CD2AP: variants seen among roughly 807,000 people sequenced by gnomAD.
The protein encoded by CD2AP is CD2 associated protein, also known as CD2-associated protein.
In CD2AP, 46 loss-of-function variants were observed where a neutral mutation model predicts 85.1. The observed-to-expected ratio is 0.54, with a 90% confidence interval of 0.43 to 0.69. CD2AP has a LOEUF of 0.69. CD2AP is among the 30% of genes least tolerant of loss of function. The pLI is 0.00. For synonymous variants in CD2AP, 255 were observed against 252.9 expected, an observed-to-expected ratio of 1.01 and a Z score of -0.08; for missense variants, 769 against 729.5, an observed-to-expected ratio of 1.05 and a Z score of -0.62.
At chr6:47,572,364 C>T (rs1261651418) in intron 5 of CD2AP, among the ~76,000 whole-genome samples, 1 of 152,184 alleles carries the variant, frequency 6.6e-6, no homozygotes, top group Admixed American at 6.5e-5. Flanking sequence ...TACTGAAATG[C>T]ATATTTAAAA....
intron 11 of CD2AP, among the ~76,000 whole-genome samples, chr6:47,587,123 C>T (rs1056611232): frequency 6.6e-6 from 1 of 152,098 alleles, no homozygotes; most frequent in Non-Finnish European, 1.5e-5. Context: ...CAAAGTTCTA[C>T]CCTTGTTCCC....
At chr6:47,490,113 C>G (rs181020178) in intron 1 of CD2AP, among the ~76,000 whole-genome samples, 1 of 151,972 alleles carries the variant, frequency 6.6e-6, no homozygotes, top group African/African-American at 2.4e-5. Context: ...GTAGCTGGGA[C>G]TAAGGCATGT....
chr6:47,549,726 G>T (rs191670434), intron 4 of CD2AP, among the ~76,000 whole-genome samples: 66 of 151,996 alleles, frequency 4.3e-4, no homozygotes, highest in Admixed American at 1.6e-3. Flanking sequence ...AATTCATATG[G>T]AACCAAAAAG....
intron 17 of CD2AP, among the ~76,000 whole-genome samples, chr6:47,613,374 C>G (rs1251708814): frequency 6.6e-6 from 1 of 152,108 alleles, no homozygotes; most frequent in African/African-American, 2.4e-5. Flanking sequence ...TAAATGTCTC[C>G]TTGATTCATG....
chr6:47,579,664 G>T (rs770534966), intron 9 of CD2AP, 175 bp downstream of exon 9: 15 of 579,520 alleles, frequency 2.6e-5, no homozygotes, highest in Non-Finnish European at 4.3e-5. Flanking sequence ...TTTCAGTTCC[G>T]TACTTTATTC....
At chr6:47,513,632 A>G (rs183301410) in intron 2 of CD2AP, among the ~76,000 whole-genome samples, 33 of 152,136 alleles carry the variant, frequency 2.2e-4, no homozygotes, top group Middle Eastern at 3.4e-3. Flanking sequence ...TAATCTCTGC[A>G]TAGTATTCCA....
At chr6:47,585,454 G>A (rs1195167083) in intron 11 of CD2AP, among the ~76,000 whole-genome samples, 1 of 152,142 alleles carries the variant, frequency 6.6e-6, no homozygotes, top group Non-Finnish European at 1.5e-5. Flanking sequence ...TCACATATCG[G>A]ACATCAGACA....
chr6:47,515,471 A>T (rs1766429867), intron 2 of CD2AP, among the ~76,000 whole-genome samples: 1 of 152,138 alleles, frequency 6.6e-6, no homozygotes, highest in African/African-American at 2.4e-5. Context: ...ATCTCACTTT[A>T]TTCTCATGTC....
At chr6:47,521,591 T>C (rs528070631) in intron 2 of CD2AP, among the ~76,000 whole-genome samples, 1 of 152,338 alleles carries the variant, frequency 6.6e-6, no homozygotes, top group South Asian at 2.1e-4. Context: ...TTTAAGCTGT[T>C]GTTATTAAGC....
chr6:47,538,537 C>A (rs570338998), intron 3 of CD2AP, among the ~76,000 whole-genome samples: 1 of 152,132 alleles, frequency 6.6e-6, no homozygotes. Flanking sequence ...TAAGCCACTG[C>A]GCCTGGTGGA....
chr6:47,626,695 C>T lies in CD2AP; in HGVS notation c.*2468C>T, dbSNP rs746098698. ...AACAGGCCTTGTGTAACAGAAGATACTCTTTTTTATGCTCCTTACTGTGAT... is the reference window on the plus strand; with the variant it reads ...AACAGGCCTTGTGTAACAGAAGATATTCTTTTTTATGCTCCTTACTGTGAT... On this transcript the variant is annotated 3_prime_UTR_variant, in exon 18 of 18. Coordinates refer to ENST00000359314, the MANE Select transcript of CD2AP (RefSeq NM_012120.3). 2 of 152,408 alleles carry T rather than the reference C, an allele frequency of 1.3e-5. No individual in the cohort carries two copies. Among genetic ancestry groups the T allele is most frequent in the Non-Finnish European group, 2.9e-5 (2 of 67,872 alleles). 9.4% of individuals were successfully genotyped at this position (152,408 alleles called of 1,614,324 possible).
chr6:47,490,064 C>G (rs1339462271), intron 1 of CD2AP, among the ~76,000 whole-genome samples: 1 of 151,112 alleles, frequency 6.6e-6, no homozygotes, highest in Admixed American at 6.6e-5. Flanking sequence ...CAACCTTGAC[C>G]TCCTGGGGTC....
rs202236302 is a variant in CD2AP at position 47,579,459 on chromosome 6, C to T, written c.978C>T (p.Val326=). 7.8e-5 allele frequency: 125 copies of T among 1,609,120 alleles called. 1 individual carries two copies. The East Asian group carries it at 2.6e-3, about 34-fold the overall frequency. ...KEGVFPDNFA[V]QINELDKDFP... is the part of the protein sequence containing the mutation. ...GAGTATTTCCAGACAATTTTGCTGT[C>T]CAGATAAATGAACTTGATAAAGACT... Residue 326 remains valine (V), a synonymous_variant, in exon 9 of 18, where the codon GTC becomes GTT. Coordinates refer to ENST00000359314, the MANE Select transcript of CD2AP (RefSeq NM_012120.3).
chr6:47,587,501 T>G (rs547582889), intron 11 of CD2AP, among the ~76,000 whole-genome samples: 1 of 152,312 alleles, frequency 6.6e-6, no homozygotes, highest in South Asian at 2.1e-4. Context: ...TCTCTGCCCC[T>G]CTGTTGTTTT....
Position 47,624,195 on chromosome 6 carries a change from G to C in CD2AP, c.1888G>C (p.Glu630Gln), listed in dbSNP as rs1178873971. Residue 630 changes from glutamate to glutamine, a missense_variant, in exon 18 of 18, where the codon GAG becomes CAG. Glu to Gln is a conservative substitution (Grantham distance 29). Coordinates refer to ENST00000359314, the MANE Select transcript of CD2AP (RefSeq NM_012120.3). ...ATGTTTTTTGTTTTAGATGGAAATA[G>C]AGAAGCTGAAAAAAGCTGTCCTGTC... is the stretch of plus-strand genomic sequence containing the variant. ...TMRSNLEMEI[E>Q]KLKKAVLSS The C allele has an allele frequency of 1.9e-6, 3 of 1,611,342 alleles. No homozygotes were observed. The highest frequency in any genetic ancestry group is 2.5e-6 in the Non-Finnish European group (3 of 1,177,712).
chr6:47,583,382 T>C (rs1320092370), intron 11 of CD2AP, among the ~76,000 whole-genome samples: 2 of 152,206 alleles, frequency 1.3e-5, no homozygotes, highest in Non-Finnish European at 2.9e-5. Flanking sequence ...TCATACAGAA[T>C]AGCATTACTA....
chr6:47,563,065 A>G (rs930496063), intron 5 of CD2AP: 5 of 287,468 alleles, frequency 1.7e-5, no homozygotes, highest in African/African-American at 1.1e-4. Flanking sequence ...AGTTTGAGGA[A>G]TAGTTTGAAC....
At chr6:47,604,492 T>A (rs1032632013) in intron 13 of CD2AP, among the ~76,000 whole-genome samples, 1 of 152,046 alleles carries the variant, frequency 6.6e-6, no homozygotes, top group African/African-American at 2.4e-5. Flanking sequence ...TTTTTCTGTT[T>A]CTTTTTCTTT....
intron 1 of CD2AP, among the ~76,000 whole-genome samples, chr6:47,502,603 C>T (rs566611643): frequency 2.7e-4 from 41 of 151,584 alleles, no homozygotes; most frequent in Admixed American, 1.6e-3. Context: ...AAGCTATTCT[C>T]CTACCTCAGC....
Sources: allele counts gnomAD v4.1 joint callset (sites outside exome capture counted in the v4.1 genomes callset), GRCh38; gene constraint gnomAD v4.1.1; transcripts MANE v1.5; gene names NCBI Gene and HGNC (gene_info 2026-07-23, HGNC 2026-07-21).